Variants in BCL7B observed in about 807,000 individuals in gnomAD.
The protein encoded by BCL7B is B-cell CLL/lymphoma 7 protein family member B.
In BCL7B, 11 loss-of-function variants were observed where a neutral mutation model predicts 26.5. The ratio of observed to expected loss-of-function variants is 0.42; its 90% CI spans 0.26 to 0.69. The LOEUF is 0.69. BCL7B is among the 30% of genes least tolerant of loss of function. BCL7B has a pLI of 0.28. For missense variants in BCL7B, 215 were observed against 264.4 expected, an observed-to-expected ratio of 0.81 and a Z score of 1.30; for synonymous variants, 111 against 107.9, an observed-to-expected ratio of 1.03 and a Z score of -0.18.
chr7:73,556,445 G>A (rs985956429), intron 1 of BCL7B, among the ~76,000 whole-genome samples: 1 of 151,804 alleles, frequency 6.6e-6, no homozygotes, highest in Non-Finnish European at 1.5e-5. Flanking sequence ...CAAAGTGCTG[G>A]GATTACATGC....
At chr7:73,544,727 G>C (rs1554583308) in intron 2 of BCL7B, among the ~76,000 whole-genome samples, 2 of 151,976 alleles carry the variant, frequency 1.3e-5, no homozygotes, top group Non-Finnish European at 2.9e-5. Context: ...ATAAGTGCAG[G>C]GCAACCACAG....
chr7:73,557,411 C>T (rs1288984220), intron 1 of BCL7B, 76 bp downstream of exon 1: 3 of 1,208,562 alleles, frequency 2.5e-6, no homozygotes, highest in South Asian at 3.3e-5. Context: ...TCGGCTCCCA[C>T]CTGACCCGCC....
intron 1 of BCL7B, among the ~76,000 whole-genome samples, chr7:73,556,227 T>C (rs993634326): frequency 1.3e-5 from 2 of 152,148 alleles, no homozygotes; most frequent in African/African-American, 2.4e-5. Flanking sequence ...TTCCCTCTTG[T>C]GGGGAAATGG....
At chr7:73,557,282 C>T in intron 1 of BCL7B, 2 of 1,140,670 alleles carry the variant, frequency 1.8e-6, no homozygotes, top group Non-Finnish European at 2.2e-6. Context: ...GGTGGGCGGG[C>T]CCGCGAGCCG....
At chr7:73,549,081 C>T (rs1339173280) in intron 2 of BCL7B, among the ~76,000 whole-genome samples, 2 of 152,172 alleles carry the variant, frequency 1.3e-5, no homozygotes, top group African/African-American at 4.8e-5. Flanking sequence ...CCAGCCACTT[C>T]CCTTCCAAGA....
At chr7:73,553,172 T>C (rs1554584351) in intron 1 of BCL7B, among the ~76,000 whole-genome samples, 1 of 151,844 alleles carries the variant, frequency 6.6e-6, no homozygotes, top group Non-Finnish European at 1.5e-5. Context: ...TCTTGAACTC[T>C]TGGTCTCAAG....
chr7:73,551,584 G>A (rs1425589973), intron 2 of BCL7B, among the ~76,000 whole-genome samples: 2 of 152,004 alleles, frequency 1.3e-5, no homozygotes, highest in South Asian at 2.1e-4. Context: ...GATTACAGGC[G>A]TGAGCCACCA....
rs142166738 is a variant in BCL7B at position 73,537,310 on chromosome 7, C to A, written c.597G>T (p.Ala199=). ...CVDQPTVPQT[A]SES is the part of the protein sequence containing the mutation. ...GGCCGGGATGGTGCTAGCTTTCTGA[C>A]GCCGTCTGCGGCACTGTGGGTTGGT... Residue 199 remains alanine (A), a synonymous_variant, in exon 6 of 6, where the codon GCG becomes GCT. Transcript: ENST00000223368. 3.0e-5 allele frequency: 48 copies of A among 1,613,916 alleles called. No homozygotes were observed. In the Admixed American group the frequency reaches 5.2e-4, roughly 17 times the overall value.
intron 3 of BCL7B, among the ~76,000 whole-genome samples, chr7:73,542,544 G>GC (rs1554582979): frequency 6.6e-6 from 1 of 152,138 alleles, no homozygotes; most frequent in African/African-American, 2.4e-5. Flanking sequence ...TCCTCCCTGA[G>GC]CATCAGTTTC....
intron 2 of BCL7B, among the ~76,000 whole-genome samples, chr7:73,546,131 CAAAAA>C (rs1327019672): frequency 2.7e-5 from 2 of 73,896 alleles, no homozygotes; most frequent in African/African-American, 5.7e-5. Flanking sequence ...GACTCCATCT[CAAAAA>C]AAAAAAAAAA....
At chr7:73,550,908 C>T (rs963521076) in intron 2 of BCL7B, among the ~76,000 whole-genome samples, 3 of 152,148 alleles carry the variant, frequency 2.0e-5, no homozygotes, top group African/African-American at 4.8e-5. Flanking sequence ...CCGCCCGTCT[C>T]GGCCTCCCAA....
intron 3 of BCL7B, among the ~76,000 whole-genome samples, chr7:73,542,349 G>A (rs1406292720): frequency 6.6e-6 from 1 of 152,208 alleles, no homozygotes; most frequent in African/African-American, 2.4e-5. Flanking sequence ...GGTGGGGCCT[G>A]GGAAAGAGGT....
intron 3 of BCL7B, among the ~76,000 whole-genome samples, chr7:73,541,068 A>T (rs1791753818): frequency 6.6e-6 from 1 of 151,808 alleles, no homozygotes; most frequent in Non-Finnish European, 1.5e-5. Flanking sequence ...AATCGCTTGA[A>T]CCCGGGAGGT....
At chr7:73,546,408 T>G (rs1791959375) in intron 2 of BCL7B, among the ~76,000 whole-genome samples, 1 of 152,192 alleles carries the variant, frequency 6.6e-6, no homozygotes, top group Non-Finnish European at 1.5e-5. Context: ...TCACAGCCTG[T>G]AATCACAGCA....
chr7:73,549,004 AC>A (rs1425185979), intron 2 of BCL7B, among the ~76,000 whole-genome samples: 1 of 152,226 alleles, frequency 6.6e-6, no homozygotes, highest in African/African-American at 2.4e-5. Flanking sequence ...ATAAATTGGT[AC>A]AACTACCATT....
chr7:73,538,088 G>T, intron 4 of BCL7B, 75 bp from the exon 5 acceptor site: 1 of 907,728 alleles, frequency 1.1e-6, no homozygotes, highest in Non-Finnish European at 1.7e-6. Context: ...CCTTAGAGCT[G>T]TGTGGAGGTG....
intron 1 of BCL7B, among the ~76,000 whole-genome samples, chr7:73,555,174 G>A (rs1755504480): frequency 6.6e-6 from 1 of 152,106 alleles, no homozygotes; most frequent in African/African-American, 2.4e-5. Flanking sequence ...GGGAGGTCAT[G>A]GTGGGAGGAC....
intron 1 of BCL7B, 31 bp downstream of exon 1, chr7:73,557,456 C>T: frequency 3.0e-6 from 4 of 1,327,590 alleles, no homozygotes; most frequent in Non-Finnish European, 3.9e-6. Flanking sequence ...ATCCGCGACC[C>T]CCGCCAGCCC....
chr7:73,557,371 C>T (rs886249411), intron 1 of BCL7B, 116 bp downstream of exon 1: 1 of 1,163,744 alleles, frequency 8.6e-7, no homozygotes. Context: ...CCCGCCTTCT[C>T]CCGCACCCCC....
Sources: gnomAD v4.1 joint callset for allele counts (sites outside exome capture counted in the v4.1 genomes callset) on GRCh38, gnomAD v4.1.1 for gene constraint, MANE v1.5 for transcripts, NCBI Gene and HGNC (gene_info 2026-07-23, HGNC 2026-07-21) for gene names.